The following TBC1D22A variants were observed in gnomAD, a reference collection of about 807,000 sequenced individuals.
The protein encoded by TBC1D22A is TBC1 domain family member 22A, also known as putative GTPase activator.
Under a neutral mutation model 60.2 loss-of-function variants are expected in TBC1D22A, and 38 were observed. The ratio of observed to expected loss-of-function variants is 0.63; its 90% confidence interval spans 0.49 to 0.83. The LOEUF (loss-of-function observed/expected upper bound fraction) is 0.83. TBC1D22A is among the 40% of genes least tolerant of loss of function. The pLI is 0.00. For missense variants in TBC1D22A, 628 were observed against 701.0 expected (o/e 0.90, Z 1.18); for synonymous variants, 302 against 281.7 (o/e 1.07, Z -0.72).
At chr22:46,803,880 G>T (rs2085012485) in intron 4 of TBC1D22A, among the ~76,000 whole-genome samples, 10 of 152,192 alleles carry the variant, frequency 6.6e-5, no homozygotes, top group Admixed American at 6.5e-4. Context: ...ATCCTTGCTG[G>T]CCCTGCTCTG....
chr22:46,780,176 A>G (rs1271060828), intron 1 of TBC1D22A, among the ~76,000 whole-genome samples: 3 of 152,246 alleles, frequency 2.0e-5, no homozygotes, highest in South Asian at 2.1e-4. Flanking sequence ...GAAAGCTGCT[A>G]TTGACCCCTA....
At chr22:46,892,111 A>G (rs1007321872) in intron 6 of TBC1D22A, among the ~76,000 whole-genome samples, 1 of 152,178 alleles carries the variant, frequency 6.6e-6, no homozygotes, top group African/African-American at 2.4e-5. Context: ...AATATGTGAA[A>G]GGTCAAAATG....
intron 7 of TBC1D22A, among the ~76,000 whole-genome samples, chr22:46,904,593 C>G (rs374082177): frequency 6.7e-6 from 1 of 149,508 alleles, no homozygotes; most frequent in Non-Finnish European, 1.5e-5. Context: ...CTCAGGCTCC[C>G]GAGTAGCTGG....
intron 8 of TBC1D22A, among the ~76,000 whole-genome samples, chr22:46,958,784 G>A (rs2148044256): frequency 6.6e-6 from 1 of 152,308 alleles, no homozygotes; most frequent in African/African-American, 2.4e-5. Flanking sequence ...TACTGGATTG[G>A]AGGGAATTAG....
At chr22:46,873,587 G>T (rs1279332920) in intron 4 of TBC1D22A, among the ~76,000 whole-genome samples, 1 of 152,060 alleles carries the variant, frequency 6.6e-6, no homozygotes, top group Non-Finnish European at 1.5e-5. Flanking sequence ...GTGTCATGGG[G>T]GTTTGTTGTA....
intron 8 of TBC1D22A, among the ~76,000 whole-genome samples, chr22:46,934,731 T>G (rs2071547157): frequency 6.6e-6 from 1 of 152,164 alleles, no homozygotes; most frequent in African/African-American, 2.4e-5. Flanking sequence ...TCCTCTCTGG[T>G]TCAGTGCAGG....
chr22:46,913,339 C>T (rs765240716), intron 8 of TBC1D22A: 9 of 1,366,226 alleles, frequency 6.6e-6, no homozygotes, highest in Non-Finnish European at 7.8e-6. Context: ...TTTAGCCTTT[C>T]CAGGTTGTGG....
intron 10 of TBC1D22A, among the ~76,000 whole-genome samples, chr22:47,003,821 TGCCTGTACGCACACACCCTAC>T (rs2061486020): frequency 3.9e-5 from 3 of 76,188 alleles, no homozygotes; most frequent in East Asian, 5.2e-4. Flanking sequence ...TACGCACACA[TGCCTGTACGCACACACCCTAC>T]GCACACATGC....
intron 12 of TBC1D22A, among the ~76,000 whole-genome samples, chr22:47,136,330 C>T (rs981768660): frequency 1.3e-5 from 2 of 152,224 alleles, no homozygotes; most frequent in Non-Finnish European, 2.9e-5. Context: ...AGGATTCAGC[C>T]GGTCTCCCCC....
At chr22:46,938,864 G>A (rs1435851311) in intron 8 of TBC1D22A, among the ~76,000 whole-genome samples, 1 of 152,064 alleles carries the variant, frequency 6.6e-6, no homozygotes, top group African/African-American at 2.4e-5. Flanking sequence ...GGGATTACAG[G>A]CGTGAGCCAC....
intron 4 of TBC1D22A, among the ~76,000 whole-genome samples, chr22:46,851,467 T>C (rs567606145): frequency 6.6e-6 from 1 of 152,348 alleles, no homozygotes; most frequent in East Asian, 1.9e-4. Flanking sequence ...CCCGAGAGCC[T>C]GCTGGTGCCG....
chr22:47,102,336 C>T (rs909125206), intron 11 of TBC1D22A, among the ~76,000 whole-genome samples: 5 of 152,134 alleles, frequency 3.3e-5, no homozygotes, highest in African/African-American at 9.7e-5. Flanking sequence ...GGCTTCTCCA[C>T]GCCACAGCCT....
intron 7 of TBC1D22A, among the ~76,000 whole-genome samples, chr22:46,909,700 C>G (rs1054601730): frequency 6.6e-6 from 1 of 152,332 alleles, no homozygotes; most frequent in East Asian, 1.9e-4. Flanking sequence ...GCCCCCTGCT[C>G]CTGACCCTTT....
chr22:47,066,412 CGGGA>C (rs1348079273), intron 11 of TBC1D22A, among the ~76,000 whole-genome samples: 2 of 141,290 alleles, frequency 1.4e-5, no homozygotes, highest in East Asian at 5.0e-4. Context: ...CAGGGGAGGT[CGGGA>C]GGGAGGGAGG....
chr22:46,885,690 C>G (rs1014580299), intron 5 of TBC1D22A, among the ~76,000 whole-genome samples: 4 of 152,058 alleles, frequency 2.6e-5, no homozygotes, highest in Non-Finnish European at 2.9e-5. Flanking sequence ...CACTGCCCCC[C>G]CTTGTAATTT....
chr22:46,792,907 G>A lies in TBC1D22A; in HGVS notation c.119+331G>A, dbSNP rs2084481489. ...CTTGTCCTTTCCCCTCCTCCTTCCC[G>A]CATTCTCCACCAGCTGCTGGAGCCC... On this transcript the variant is annotated intron_variant, in intron 2 of 12. Transcript: ENST00000337137. 3.6e-6 allele frequency: 5 copies of A among 1,391,046 alleles called. No individual in the cohort carries two copies. The African/African-American group carries it at 5.8e-5, about 16-fold the overall frequency. 86.2% of individuals were successfully genotyped at this position (1,391,046 alleles called of 1,614,324 possible). A position where few individuals can be genotyped will look rare whatever the true frequency, so the allele number is the denominator to read the frequency against.
intron 11 of TBC1D22A, among the ~76,000 whole-genome samples, chr22:47,037,909 T>C (rs3747264): frequency 0.55 from 84,310 of 151,988 alleles, 26,085 homozygotes; most frequent in Middle Eastern, 0.74. Context: ...GAGTTACATA[T>C]AATAAAGATT....
At chr22:47,160,800 G>A (rs957696159) in intron 12 of TBC1D22A, among the ~76,000 whole-genome samples, 6 of 152,124 alleles carry the variant, frequency 3.9e-5, no homozygotes, top group Admixed American at 1.3e-4. Context: ...TGATAAAAAC[G>A]GGCAGGAGAT....
chr22:47,005,642 ACACACACACACC>A (rs1270713779), intron 10 of TBC1D22A, among the ~76,000 whole-genome samples: 2 of 151,070 alleles, frequency 1.3e-5, no homozygotes, highest in South Asian at 2.1e-4. Flanking sequence ...GCCTGTACAC[ACACACACACACC>A]CACACACACA....
Sources: gnomAD v4.1 joint callset for allele counts (sites outside exome capture counted in the v4.1 genomes callset) on GRCh38, gnomAD v4.1.1 for gene constraint, MANE v1.5 for transcripts, NCBI Gene and HGNC (gene_info 2026-07-23, HGNC 2026-07-21) for gene names.